TMEM260: variants seen among roughly 807,000 people sequenced by gnomAD.
TMEM260 encodes the protein protein O-mannosyl-transferase TMEM260.
A neutral mutation model predicts 88.9 loss-of-function variants in TMEM260; 82 were observed. The ratio of observed to expected loss-of-function variants is 0.92; its 90% CI spans 0.77 to 1.11. The LOEUF (loss-of-function observed/expected upper bound fraction) is 1.11. Ranked by LOEUF, TMEM260 falls within the 50% of genes least tolerant of loss-of-function variation. TMEM260 has a pLI of 0.00. For missense variants in TMEM260, 902 were observed against 853.4 expected (o/e 1.06, Z -0.71); for synonymous variants, 314 against 309.3 (o/e 1.02, Z -0.16).
At chr14:56,654,114 C>A (rs538240675), downstream of TMEM260, among the ~76,000 whole-genome samples, 1 of 152,136 alleles carries the variant, frequency 6.6e-6, no homozygotes, top group Non-Finnish European at 1.5e-5. Context: ...TTCCCCCTCT[C>A]CTTCAACCCT....
intron 8 of TMEM260, among the ~76,000 whole-genome samples, chr14:56,616,523 A>G (rs1887604683): frequency 6.6e-6 from 1 of 152,076 alleles, no homozygotes; most frequent in Non-Finnish European, 1.5e-5. Flanking sequence ...ATTTTCTCAT[A>G]CTATAAAAAT....
At chr14:56,608,232 A>T (rs561016439) in intron 5 of TMEM260, among the ~76,000 whole-genome samples, 113 of 152,322 alleles carry the variant, frequency 7.4e-4, no homozygotes, top group African/African-American at 2.6e-3. Context: ...TGATTCTTAT[A>T]TTCATTCTCA....
chr14:56,639,997 G>C (rs1427344452), intron 15 of TMEM260, among the ~76,000 whole-genome samples: 3 of 152,336 alleles, frequency 2.0e-5, no homozygotes, highest in South Asian at 4.1e-4. Context: ...AGCTCGAACT[G>C]GGTAGAGCCC....
At chr14:56,658,338 C>T in the TMEM260 span, among the ~76,000 whole-genome samples, 2 of 152,086 alleles carry the variant, frequency 1.3e-5, no homozygotes, top group Non-Finnish European at 2.9e-5. Flanking sequence ...TACTCCACCT[C>T]CCAGGTTCAA....
rs376857460 is a variant in TMEM260 at position 56,596,381 on chromosome 14, A to AGTGTGTGTGTGTGTGT, written c.345-7423_345-7408dup. On this transcript the variant is annotated intron_variant, in intron 3 of 15. Coordinates refer to ENST00000261556, the MANE Select transcript of TMEM260 (RefSeq NM_017799.4). ...GGACACACACACATATATATGTGAG[A>AGTGTGTGTGTGTGTGT]GTGTGTGTGTGTGTGTGTGTGTGTG... 8.5e-4 allele frequency among the ~76,000 whole-genome samples: 108 copies of AGTGTGTGTGTGTGTGT among 126,574 alleles called. No individual in the cohort carries two copies. The Middle Eastern group carries it at 0.023, about 26-fold the overall frequency. The allele number at this position is 126,574 out of a possible 152,430, so 83.0% of individuals were successfully genotyped here. A position where few individuals can be genotyped will look rare whatever the true frequency, so the allele number is the denominator to read the frequency against.
intron 15 of TMEM260, among the ~76,000 whole-genome samples, chr14:56,645,580 A>T (rs1030394838): frequency 7.9e-5 from 12 of 152,230 alleles, no homozygotes; most frequent in Non-Finnish European, 7.3e-5. Flanking sequence ...CCAACATGGC[A>T]CATGTATACA....
chr14:56,628,411 G>A (rs74608756), intron 12 of TMEM260, among the ~76,000 whole-genome samples: 2,234 of 152,226 alleles, frequency 0.015, 61 homozygotes, highest in East Asian at 0.097. Context: ...TTTCTTTGAA[G>A]CTCAAATTCA....
intron 5 of TMEM260, among the ~76,000 whole-genome samples, chr14:56,607,256 A>G (rs1408397180): frequency 6.6e-6 from 1 of 152,190 alleles, no homozygotes; most frequent in Non-Finnish European, 1.5e-5. Context: ...CGACCTGAAC[A>G]GACATCAGAG....
At chr14:56,582,263 A>G (rs1160578802) in intron 1 of TMEM260, among the ~76,000 whole-genome samples, 2 of 152,198 alleles carry the variant, frequency 1.3e-5, no homozygotes, top group Non-Finnish European at 2.9e-5. Context: ...TACTCCATAG[A>G]TTCATCACAT....
At chr14:56,625,641 T>TGTCACTGG (rs2139608209) in intron 12 of TMEM260, 111 bp downstream of exon 12, 1 of 727,756 alleles carries the variant, frequency 1.4e-6, no homozygotes, top group East Asian at 2.8e-5. Context: ...CCTATTTCCC[T>TGTCACTGG]GTCACTGGTG....
chr14:56,639,179 T>C (rs932508158), intron 15 of TMEM260, among the ~76,000 whole-genome samples: 2 of 152,056 alleles, frequency 1.3e-5, no homozygotes, highest in Non-Finnish European at 2.9e-5. Flanking sequence ...GGATGGTTAA[T>C]AGGTACAAAA....
intron 3 of TMEM260, among the ~76,000 whole-genome samples, chr14:56,591,510 G>A (rs1885858489): frequency 6.6e-6 from 1 of 152,174 alleles, no homozygotes; most frequent in African/African-American, 2.4e-5. Context: ...TAAGTTTTCA[G>A]TTAGAAAGGA....
intron 15 of TMEM260, among the ~76,000 whole-genome samples, chr14:56,637,836 G>A (rs1307226760): frequency 6.7e-6 from 1 of 148,942 alleles, no homozygotes; most frequent in East Asian, 2.1e-4. Flanking sequence ...TAGTGTGTTG[G>A]AGACAACCAA....
chr14:56,583,386 A>C (rs1319577970), intron 1 of TMEM260, among the ~76,000 whole-genome samples: 1 of 152,158 alleles, frequency 6.6e-6, no homozygotes, highest in Admixed American at 6.5e-5. Context: ...TAAGGCTTCC[A>C]TGATGCAGTC....
the TMEM260 span, among the ~76,000 whole-genome samples, chr14:56,661,516 A>G: frequency 7.5e-6 from 1 of 134,224 alleles, no homozygotes. Flanking sequence ...AGAAGGAAGG[A>G]AGGGAGGGAA....
chr14:56,640,276 C>T (rs368449556), intron 15 of TMEM260, among the ~76,000 whole-genome samples: 94 of 152,246 alleles, frequency 6.2e-4, no homozygotes, highest in South Asian at 2.1e-3. Context: ...CTCACACAGC[C>T]GGGTACTCCT....
intron 3 of TMEM260, among the ~76,000 whole-genome samples, chr14:56,593,633 G>A (rs1252199869): frequency 6.9e-6 from 1 of 144,118 alleles, no homozygotes; most frequent in Non-Finnish European, 1.5e-5. Flanking sequence ...CTCTCTAACA[G>A]TGTCAAAACT....
chr14:56,634,423 C>A (rs1016137854), intron 13 of TMEM260, among the ~76,000 whole-genome samples: 1 of 152,184 alleles, frequency 6.6e-6, no homozygotes, highest in Non-Finnish European at 1.5e-5. Context: ...TACCAAAACT[C>A]AAACTTCCTT....
At chr14:56,636,920 C>T (rs1043721438) in intron 15 of TMEM260, among the ~76,000 whole-genome samples, 3 of 152,190 alleles carry the variant, frequency 2.0e-5, no homozygotes, top group Non-Finnish European at 4.4e-5. Flanking sequence ...GGGGTTACCC[C>T]AGATTATCCA....
Sources: gnomAD v4.1 joint callset for allele counts (sites outside exome capture counted in the v4.1 genomes callset) on GRCh38, gnomAD v4.1.1 for gene constraint, MANE v1.5 for transcripts, NCBI Gene and HGNC (gene_info 2026-07-23, HGNC 2026-07-21) for gene names.